ADAT1: variants seen among roughly 807,000 people sequenced by gnomAD.
The protein encoded by ADAT1 is adenosine deaminase tRNA specific 1.
In ADAT1, 58 loss-of-function variants were observed where a neutral mutation model predicts 58.6. The observed-to-expected ratio is 0.99, with a 90% CI of 0.80 to 1.23. The LOEUF (loss-of-function observed/expected upper bound fraction) is 1.23. ADAT1 is among the 50% of genes most tolerant of loss of function. The pLI is 0.00. For synonymous variants in ADAT1, 254 were observed against 220.8 expected (o/e 1.15, Z -1.33); for missense variants, 741 against 608.6 (o/e 1.22, Z -2.29).
At chr16:75,603,574 T>A (rs1392423637) in intron 8 of ADAT1, among the ~76,000 whole-genome samples, 1 of 152,114 alleles carries the variant, frequency 6.6e-6, no homozygotes, top group African/African-American at 2.4e-5. Flanking sequence ...CATTATAAAA[T>A]CCACTTGGAC....
chr16:75,603,721 C>G (rs1162717463), intron 8 of ADAT1, among the ~76,000 whole-genome samples: 1 of 19,122 alleles, frequency 5.2e-5, no homozygotes, highest in East Asian at 0.062. Flanking sequence ...GTGTTGACTA[C>G]TTTATAAGCC....
In ADAT1 at chr16:75,597,636, T is replaced by C. The variant is rs2081106645; in HGVS notation, c.*2580A>G. Among the ~76,000 whole-genome samples, 1 of 152,182 alleles carries C rather than the reference T, an allele frequency of 6.6e-6. No individual in the cohort carries two copies. The highest frequency in any genetic ancestry group is 6.5e-5 in the Admixed American group (1 of 15,278). On this transcript the variant is annotated 3_prime_UTR_variant, in exon 10 of 10. Coordinates refer to ENST00000564657, the MANE Select transcript of ADAT1 (RefSeq NM_001324445.2). ...ATACATGATGAAATAATTATACAAC[T>C]CACCATAAGGTAGAATCAGTAGGAG...
chr16:75,600,571 T>A (rs1375925934), intron 9 of ADAT1, among the ~76,000 whole-genome samples: 1 of 152,198 alleles, frequency 6.6e-6, no homozygotes, highest in South Asian at 2.1e-4. Context: ...TCAGGGCGCA[T>A]AACATTGCTC....
chr16:75,603,458 A>T (rs2081279811), intron 8 of ADAT1, among the ~76,000 whole-genome samples: 1 of 152,224 alleles, frequency 6.6e-6, no homozygotes, highest in Non-Finnish European at 1.5e-5. Flanking sequence ...GGATATCTGT[A>T]AGACACTTCT....
chr16:75,603,087 G>C lies in ADAT1; in HGVS notation c.1374C>G (p.Leu458=), dbSNP rs375566534. The C allele has an allele frequency of 4.2e-5, 68 of 1,613,430 alleles. No homozygotes were observed. The South Asian group carries it at 7.0e-4, about 17-fold the overall frequency. Residue 458 remains leucine (L), a splice_region_variant and synonymous_variant, in exon 9 of 10, where the codon CTC becomes CTG. Transcript: ENST00000564657. ...AAAACATAGGTCAACAGCATCACCTGAGGGAGTGTGGCCACTTGTCCCTTG... is the reference window on the plus strand; with the variant it reads ...AAAACATAGGTCAACAGCATCACCTCAGGGAGTGTGGCCACTTGTCCCTTG... The part of the protein sequence containing the change: ...RIARDKWPHS[L]RVQKLDTYQE...
chr16:75,603,029 C>T, intron 9 of ADAT1, 56 bp downstream of exon 9: 1 of 1,519,062 alleles, frequency 6.6e-7, no homozygotes, highest in Non-Finnish European at 9.1e-7. Context: ...ACTCAGAAGC[C>T]AGAATCAAAA....
At position 75,617,205 on chromosome 16, in the gene ADAT1, G is replaced by A. The variant is rs750292116; in HGVS notation, c.361C>T (p.Gln121Ter). 1.9e-6 allele frequency: 3 copies of A among 1,613,996 alleles called. No individual in the cohort carries two copies. The highest frequency in any genetic ancestry group is 2.5e-6 in the Non-Finnish European group (3 of 1,179,876). The change falls in exon 5 of 10, where the codon CAA becomes TAA. Residue 121 changes from glutamine to a stop codon, truncating the protein, a stop_gained. Coordinates refer to ENST00000564657, the MANE Select transcript of ADAT1 (RefSeq NM_001324445.2). LOFTEE classifies it high-confidence loss of function. ...KEDSIFVPGT[Q>*]KGVWKLRRDL... ...CGTCTAAGTTTCCACACTCCTTTTT[G>A]AGTTCCTGGGACAAAGATGCTATCC... is the stretch of plus-strand genomic sequence containing the variant.
At chr16:75,621,736 A>C (rs2081934773) in intron 1 of ADAT1, among the ~76,000 whole-genome samples, 1 of 152,180 alleles carries the variant, frequency 6.6e-6, no homozygotes, top group Non-Finnish European at 1.5e-5. Context: ...GCCATGAATT[A>C]AAAAACCATC....
rs1188365061 is a variant in ADAT1, at chr16:75,608,303, G to T, written c.1210C>A (p.Pro404Thr). 2.5e-6 allele frequency: 4 copies of T among 1,613,980 alleles called. No individual in the cohort carries two copies. The highest frequency in any genetic ancestry group is 3.4e-6 in the Non-Finnish European group (4 of 1,179,902). Reference protein sequence around the residue: ...CGAAISWSAVPEQPLDVTANG... With the variant: ...CGAAISWSAVTEQPLDVTANG... ...GCAGTAACATCCAAAGGCTGCTCAG[G>T]AACTGCACTCCAGCTGATGGCTATG... Residue 404 changes from proline (P) to threonine (T), a missense_variant, in exon 8 of 10, where the codon CCT becomes ACT. Pro to Thr is a conservative substitution (Grantham distance 38). Coordinates refer to ENST00000564657, the MANE Select transcript of ADAT1 (RefSeq NM_001324445.2).
chr16:75,618,576 G>T lies in ADAT1; in HGVS notation c.293+10C>A. On this transcript the variant is annotated intron_variant, in intron 4 of 9. Transcript: ENST00000564657. Reference sequence around the variant, plus strand: ...TCCTGCTGAACCATACTCTGGAGATGTGGCTTTACCTTTGGAAACTCCTTC... The same window carrying T: ...TCCTGCTGAACCATACTCTGGAGATTTGGCTTTACCTTTGGAAACTCCTTC... 6.3e-7 allele frequency: 1 copy of T among 1,575,296 alleles called. No individual in the cohort carries two copies. The highest frequency in any genetic ancestry group is 8.6e-7 in the Non-Finnish European group (1 of 1,157,656).
intron 6 of ADAT1, among the ~76,000 whole-genome samples, chr16:75,611,845 G>A (rs1256610947): frequency 6.6e-6 from 1 of 151,980 alleles, no homozygotes; most frequent in Non-Finnish European, 1.5e-5. Flanking sequence ...ATCACCTGAG[G>A]TCAGGAGTTT....
chr16:75,601,198 G>C (rs1382071963), intron 9 of ADAT1, among the ~76,000 whole-genome samples: 1 of 151,904 alleles, frequency 6.6e-6, no homozygotes, highest in Non-Finnish European at 1.5e-5. Context: ...AAATTAGCCG[G>C]GCGTGGTGGC....
chr16:75,605,488 G>A lies in ADAT1; in HGVS notation c.1290-2317C>T, dbSNP rs533042370. Among the ~76,000 whole-genome samples the A allele has an allele frequency of 3.9e-5, 6 of 152,162 alleles. No individual in the cohort carries two copies. In the East Asian group the frequency reaches 1.2e-3, roughly 29 times the overall value. On this transcript the variant is annotated intron_variant, in intron 8 of 9. Coordinates refer to ENST00000564657, the MANE Select transcript of ADAT1 (RefSeq NM_001324445.2). Reference sequence around the variant, plus strand: ...ATAACATACATAATACGTGTTAATTGTTTATGTCAAGGCTTCTGGTCAACA... The same window carrying A: ...ATAACATACATAATACGTGTTAATTATTTATGTCAAGGCTTCTGGTCAACA...
intron 8 of ADAT1, among the ~76,000 whole-genome samples, chr16:75,606,505 G>A (rs913700920): frequency 3.9e-5 from 6 of 152,186 alleles, no homozygotes; most frequent in Admixed American, 2.0e-4. Flanking sequence ...CCACTGAGTC[G>A]TGAAGCTGAA....
intron 5 of ADAT1, among the ~76,000 whole-genome samples, chr16:75,614,580 G>C (rs1050714149): frequency 6.6e-6 from 1 of 152,188 alleles, no homozygotes; most frequent in East Asian, 1.9e-4. Context: ...GACTTCCAGA[G>C]ACCTCACAAG....
intron 1 of ADAT1, among the ~76,000 whole-genome samples, chr16:75,621,305 C>T (rs1017718249): frequency 1.4e-5 from 2 of 139,456 alleles, no homozygotes; most frequent in Non-Finnish European, 3.0e-5. Context: ...TTCTCTACCG[C>T]CCTCTAGTAA....
chr16:75,598,303 T>C lies in ADAT1; in HGVS notation c.*1913A>G, dbSNP rs1403877279. On this transcript the variant is annotated 3_prime_UTR_variant, in exon 10 of 10. Transcript: ENST00000564657. ...GTTGGCCAGGATGGTCTTGATCTCCTGACGTCGTGATCTGCCCACCTCGGC... is the reference window on the plus strand; with the variant it reads ...GTTGGCCAGGATGGTCTTGATCTCCCGACGTCGTGATCTGCCCACCTCGGC... 3.2e-6 allele frequency: 1 copy of C among 309,600 alleles called. No individual in the cohort carries two copies. Among genetic ancestry groups the C allele is most frequent in the Non-Finnish European group, 6.6e-6 (1 of 151,514 alleles). 19.2% of individuals were successfully genotyped at this position (309,600 alleles called of 1,614,324 possible).
At chr16:75,619,383 C>A (rs2081854482) in intron 3 of ADAT1, among the ~76,000 whole-genome samples, 1 of 152,054 alleles carries the variant, frequency 6.6e-6, no homozygotes, top group South Asian at 2.1e-4. Context: ...AAAAAATTAG[C>A]TGCACATAGG....
At position 75,597,310 on chromosome 16, in the gene ADAT1, C is replaced by T. The variant is rs2081093227; in HGVS notation, c.*2906G>A. 5 of 429,718 alleles carry T rather than the reference C, an allele frequency of 1.2e-5. No individual in the cohort carries two copies. Among genetic ancestry groups the T allele is most frequent in the South Asian group, 8.6e-5 (5 of 58,190 alleles). 26.6% of individuals were successfully genotyped at this position (429,718 alleles called of 1,614,324 possible). On this transcript the variant is annotated 3_prime_UTR_variant, in exon 10 of 10. Transcript: ENST00000564657. ...GGAAGAAGGCCATGCGAGACACAGA[C>T]ACAGAAGGCCATGTGAAGACGGAGG...
Sources: allele counts gnomAD v4.1 joint callset (sites outside exome capture counted in the v4.1 genomes callset), GRCh38; gene constraint gnomAD v4.1.1; transcripts MANE v1.5; gene names NCBI Gene and HGNC (gene_info 2026-07-23, HGNC 2026-07-21).